GRID2: variants seen among roughly 807,000 people sequenced by gnomAD.
GRID2 encodes the protein glutamate ionotropic receptor delta type subunit 2, also known as glutamate receptor ionotropic, delta-2.
Under a neutral mutation model 114.8 loss-of-function variants are expected in GRID2, and 33 were observed. The ratio of observed to expected loss-of-function variants is 0.29; its 90% confidence interval spans 0.22 to 0.38. The LOEUF is 0.38. Ranked by LOEUF, GRID2 falls within the 10% of genes least tolerant of loss-of-function variation. GRID2 has a pLI of 1.00. For missense variants in GRID2, 1,184 were observed against 1,257.7 expected (o/e 0.94, Z 0.89); for synonymous variants, 505 against 449.9 (o/e 1.12, Z -1.55).
chr4:93,428,464 G>A (rs1413240287), intron 10 of GRID2, among the ~76,000 whole-genome samples: 2 of 151,704 alleles, frequency 1.3e-5, no homozygotes, highest in Non-Finnish European at 2.9e-5. Flanking sequence ...TATACTAATT[G>A]AATCATGACT....
At chr4:93,326,935 A>G (rs1344044307) in intron 8 of GRID2, among the ~76,000 whole-genome samples, 1 of 152,188 alleles carries the variant, frequency 6.6e-6, no homozygotes. Context: ...GGTTTCTATC[A>G]CATCTGTTTG....
intron 2 of GRID2, among the ~76,000 whole-genome samples, chr4:92,803,707 C>T (rs1740279975): frequency 6.6e-6 from 1 of 151,898 alleles, no homozygotes; most frequent in African/African-American, 2.4e-5. Context: ...TTAAGGGGGA[C>T]CCCAGGCATG....
chr4:92,905,424 TAAAC>T (rs1385796928), intron 2 of GRID2, among the ~76,000 whole-genome samples: 2 of 151,044 alleles, frequency 1.3e-5, no homozygotes, highest in Non-Finnish European at 3.0e-5. Flanking sequence ...AGTTAGGTAA[TAAAC>T]TAAATAACTA....
chr4:93,151,983 T>G (rs1736779640), intron 4 of GRID2, among the ~76,000 whole-genome samples: 2 of 152,112 alleles, frequency 1.3e-5, no homozygotes, highest in South Asian at 4.1e-4. Flanking sequence ...GAATGCAAGC[T>G]GTTTAATTTA....
At chr4:93,652,971 A>C (rs2149724418) in intron 14 of GRID2, among the ~76,000 whole-genome samples, 1 of 152,202 alleles carries the variant, frequency 6.6e-6, no homozygotes, top group African/African-American at 2.4e-5. Context: ...GTTCAGACTC[A>C]ATCCTGAGCA....
At chr4:92,788,911 T>G (rs1739447443) in intron 2 of GRID2, among the ~76,000 whole-genome samples, 2 of 151,870 alleles carry the variant, frequency 1.3e-5, no homozygotes, top group Non-Finnish European at 2.9e-5. Flanking sequence ...GGATTCTCTT[T>G]GATTTATTCT....
rs527663764 is a variant in GRID2 at position 92,657,297 on chromosome 4, CACTTT to C, written c.244+67017_244+67021del. Among the ~76,000 whole-genome samples the C allele has an allele frequency of 2.5e-3, 372 of 151,710 alleles. 1 individual carries two copies. The highest frequency in any genetic ancestry group is 7.5e-3 in the African/African-American group (313 of 41,482). The stretch of plus-strand genomic sequence containing the variant: ...TGTGACTTCATAGTGTCTGAACTGT[CACTTT>C]ACTTTCTTTATTATTTGTCAGCCTC... On this transcript the variant is annotated intron_variant, in intron 2 of 15. Coordinates refer to ENST00000282020, the MANE Select transcript of GRID2 (RefSeq NM_001510.4).
intron 4 of GRID2, among the ~76,000 whole-genome samples, chr4:93,138,886 AGTT>A (rs1178598032): frequency 2.6e-5 from 4 of 152,326 alleles, no homozygotes; most frequent in African/African-American, 9.6e-5. Flanking sequence ...ATCGGGTCAC[AGTT>A]GTTTATCATC....
At chr4:92,488,551 A>C (rs1158649416) in intron 1 of GRID2, among the ~76,000 whole-genome samples, 1 of 152,184 alleles carries the variant, frequency 6.6e-6, no homozygotes, top group Non-Finnish European at 1.5e-5. Flanking sequence ...TGTTACTGGG[A>C]AATGGGAAAC....
intron 1 of GRID2, among the ~76,000 whole-genome samples, chr4:92,497,967 C>T (rs1723477091): frequency 1.3e-5 from 2 of 151,694 alleles, no homozygotes; most frequent in Non-Finnish European, 3.0e-5. Context: ...TGTAAACATT[C>T]ACTATGTACT....
chr4:93,161,242 G>T (rs1022105882), intron 4 of GRID2, among the ~76,000 whole-genome samples: 2 of 151,804 alleles, frequency 1.3e-5, no homozygotes, highest in Non-Finnish European at 2.9e-5. Flanking sequence ...TTTTATTTAA[G>T]CCCTAGCAGA....
rs934401557 is a variant in GRID2 at position 92,439,889 on chromosome 4, G to A, written c.88+135145G>A. On this transcript the variant is annotated intron_variant, in intron 1 of 15. Transcript: ENST00000282020. ...ATGGCTTGGAGAAACAGTGTAAACC[G>A]GCAGTGTAAACAAGAGCAGGGCATG... Among the ~76,000 whole-genome samples the A allele has an allele frequency of 5.2e-4, 76 of 145,220 alleles. 4 individuals are homozygous for A. The highest frequency in any genetic ancestry group is 1.3e-3 in the African/African-American group (55 of 40,920).
chr4:93,322,957 G>C (rs747330547), intron 8 of GRID2, among the ~76,000 whole-genome samples: 1 of 152,152 alleles, frequency 6.6e-6, no homozygotes, highest in Non-Finnish European at 1.5e-5. Context: ...CCCTTTGTCA[G>C]ATGAGTAGAC....
At chr4:93,794,875 G>T (rs1332582307) in intron 1 of GRID2, among the ~76,000 whole-genome samples, 1 of 152,166 alleles carries the variant, frequency 6.6e-6, no homozygotes, top group Non-Finnish European at 1.5e-5. Context: ...AGGATGAAAA[G>T]ATTGTGAGAG....
intron 2 of GRID2, among the ~76,000 whole-genome samples, chr4:93,064,618 G>A (rs955736160): frequency 2.0e-5 from 3 of 151,762 alleles, no homozygotes; most frequent in African/African-American, 7.2e-5. Flanking sequence ...AAGGTAGAAA[G>A]CATCCTTGTG....
chr4:93,151,300 T>C lies in GRID2; in HGVS notation c.735+40347T>C, dbSNP rs115885390. Among the ~76,000 whole-genome samples the C allele has an allele frequency of 5.0e-3, 765 of 152,058 alleles. 3 individuals carry two copies. Among genetic ancestry groups the C allele is most frequent in the African/African-American group, 0.018 (730 of 41,486 alleles). ...GTCTGGTATGCCTGGAAGGGGTGAC[T>C]TGAAAATCTCAAAATCCCACATACT... is the stretch of plus-strand genomic sequence containing the variant. On this transcript the variant is annotated intron_variant, in intron 4 of 15. Transcript: ENST00000282020.
At chr4:93,116,570 A>G (rs1733280254) in intron 4 of GRID2, among the ~76,000 whole-genome samples, 1 of 151,890 alleles carries the variant, frequency 6.6e-6, no homozygotes, top group Non-Finnish European at 1.5e-5. Context: ...CAAAATCCCC[A>G]TTTCCTGACT....
chr4:93,067,434 G>A (rs921085546), intron 2 of GRID2, among the ~76,000 whole-genome samples: 2 of 151,942 alleles, frequency 1.3e-5, no homozygotes, highest in Non-Finnish European at 2.9e-5. Flanking sequence ...GTTCTGTTAT[G>A]GTGGAAGGAG....
At chr4:93,798,296 C>G (rs1734848965) in intron 1 of GRID2, among the ~76,000 whole-genome samples, 1 of 152,086 alleles carries the variant, frequency 6.6e-6, no homozygotes, top group African/African-American at 2.4e-5. Context: ...CACAGTCTTT[C>G]CAAATAATCT....
Sources: allele counts gnomAD v4.1 joint callset (sites outside exome capture counted in the v4.1 genomes callset), GRCh38; gene constraint gnomAD v4.1.1; transcripts MANE v1.5; gene names NCBI Gene and HGNC (gene_info 2026-07-23, HGNC 2026-07-21).